Variants in PARVA observed in about 807,000 individuals in gnomAD.
PARVA encodes alpha-parvin.
In PARVA, 25 loss-of-function variants were observed where a neutral mutation model predicts 52.6. The ratio of observed to expected loss-of-function variants is 0.48; its 90% CI spans 0.35 to 0.66. The LOEUF (loss-of-function observed/expected upper bound fraction) is 0.66. Ranked by LOEUF, PARVA falls within the 30% of genes least tolerant of loss-of-function variation. The pLI, the probability that PARVA is intolerant of heterozygous loss-of-function variation, is 0.01. For synonymous variants in PARVA, 185 were observed against 179.1 expected, an observed-to-expected ratio of 1.03 and a Z score of -0.26; for missense variants, 373 against 450.9, an observed-to-expected ratio of 0.83 and a Z score of 1.56.
intron 10 of PARVA, 94 bp downstream of exon 10, chr11:12,514,159 C>A: frequency 1.1e-6 from 1 of 911,532 alleles, no homozygotes; most frequent in South Asian, 1.4e-5. Context: ...AGGGCTTTCC[C>A]AGCTGAGGGG....
chr11:12,418,260 CTGGGTGGG>C (rs1401123215), intron 1 of PARVA, among the ~76,000 whole-genome samples: 1 of 152,190 alleles, frequency 6.6e-6, no homozygotes, highest in African/African-American at 2.4e-5. Context: ...CTCCCAGTCC[CTGGGTGGG>C]TGATGTGAGT....
At position 12,520,983 on chromosome 11, in the gene PARVA, G is replaced by A. The variant is rs138029883; in HGVS notation, c.1042+2466G>A. Reference sequence around the variant, plus strand: ...AAAAAGAAATATTGTCATGCAGCTGGCAGCTTTTTATTTAGGGCATCGTGC... The same window carrying A: ...AAAAAGAAATATTGTCATGCAGCTGACAGCTTTTTATTTAGGGCATCGTGC... On this transcript the variant is annotated intron_variant, in intron 12 of 12. Transcript: ENST00000334956. Among the ~76,000 whole-genome samples, 238 of 152,186 alleles carry A rather than the reference G, an allele frequency of 1.6e-3. 2 individuals carry two copies. Among genetic ancestry groups the A allele is most frequent in the African/African-American group, 5.5e-3 (230 of 41,528 alleles).
At chr11:12,389,377 C>T (rs1471287574) in intron 1 of PARVA, among the ~76,000 whole-genome samples, 1 of 152,156 alleles carries the variant, frequency 6.6e-6, no homozygotes, top group Non-Finnish European at 1.5e-5. Flanking sequence ...TCCCCTCTTC[C>T]CCTCTGAGCC....
chr11:12,484,808 C>CTTTTT, intron 4 of PARVA, among the ~76,000 whole-genome samples: 1 of 102,634 alleles, frequency 9.7e-6, no homozygotes, highest in Non-Finnish European at 2.0e-5. Context: ...TTTTTGTTGA[C>CTTTTT]TTTTTTTTTT....
intron 12 of PARVA, among the ~76,000 whole-genome samples, chr11:12,527,155 T>C (rs1941713754): frequency 6.6e-6 from 1 of 152,236 alleles, no homozygotes; most frequent in African/African-American, 2.4e-5. Flanking sequence ...CACTAAACTT[T>C]CCACATGGAA....
At chr11:12,408,677 C>T (rs918650958) in intron 1 of PARVA, among the ~76,000 whole-genome samples, 1 of 152,152 alleles carries the variant, frequency 6.6e-6, no homozygotes, top group Non-Finnish European at 1.5e-5. Context: ...TTTCTTAAGA[C>T]CCTACTATTT....
intron 1 of PARVA, among the ~76,000 whole-genome samples, chr11:12,469,402 C>T (rs943304690): frequency 2.6e-5 from 4 of 152,142 alleles, no homozygotes; most frequent in African/African-American, 7.2e-5. Flanking sequence ...AATGGCGCTG[C>T]GAGACATTCG....
chr11:12,514,486 C>CTGTTT (rs1393067639), intron 10 of PARVA, among the ~76,000 whole-genome samples: 2 of 152,100 alleles, frequency 1.3e-5, no homozygotes, highest in South Asian at 2.1e-4. Flanking sequence ...TTTTTGTTTT[C>CTGTTT]TGTTTTGTTT....
chr11:12,499,166 G>T (rs1296778287), intron 5 of PARVA, among the ~76,000 whole-genome samples: 2 of 152,196 alleles, frequency 1.3e-5, no homozygotes, highest in Admixed American at 6.5e-5. Context: ...TACTAGGTCA[G>T]AGGGAATAAT....
At chr11:12,441,899 A>G (rs1261151423) in intron 1 of PARVA, among the ~76,000 whole-genome samples, 2 of 152,226 alleles carry the variant, frequency 1.3e-5, no homozygotes, top group Non-Finnish European at 2.9e-5. Flanking sequence ...GCTCCACAAA[A>G]TGTATAGTAA....
Position 12,513,317 on chromosome 11 carries a change from C to T in PARVA, c.755C>T (p.Thr252Ile). The T allele has an allele frequency of 1.2e-6, 2 of 1,613,854 alleles. No individual in the cohort carries two copies. The change falls in exon 9 of 13, where the codon ACC becomes ATC. Residue 252 changes from threonine (T) to isoleucine (I), a missense_variant. By Grantham distance (89) the Thr-to-Ile change is moderately conservative. Transcript: ENST00000334956. Reference sequence around the variant, plus strand: ...TTTTCAGAACGTGATGCCTTTGACACCTTGTTCGACCATGCCCCAGACAAG... The same window carrying T: ...TTTTCAGAACGTGATGCCTTTGACATCTTGTTCGACCATGCCCCAGACAAG... The part of the protein sequence containing the change: ...SGRHERDAFD[T>I]LFDHAPDKLN...
At chr11:12,481,088 G>T (rs2135044804) in intron 4 of PARVA, among the ~76,000 whole-genome samples, 1 of 152,072 alleles carries the variant, frequency 6.6e-6, no homozygotes, top group Non-Finnish European at 1.5e-5. Context: ...TTTTTTTTAA[G>T]TGGGGAGAGA....
In PARVA at chr11:12,531,609, G is replaced by A. The variant is rs541697436; in HGVS notation, c.*3684G>A. ...AACAGTTTTGCCGTGCCTAAGTGGAGGCTGATCAAAACTAATTTGAGATCC... is the reference window on the plus strand; with the variant it reads ...AACAGTTTTGCCGTGCCTAAGTGGAAGCTGATCAAAACTAATTTGAGATCC... On this transcript the variant is annotated 3_prime_UTR_variant, in exon 13 of 13. Coordinates refer to ENST00000334956, the MANE Select transcript of PARVA (RefSeq NM_018222.5). 1.3e-5 allele frequency among the ~76,000 whole-genome samples: 2 copies of A among 151,884 alleles called. No homozygotes were observed. The highest frequency in any genetic ancestry group is 3.9e-4 in the East Asian group (2 of 5,174).
At chr11:12,446,531 A>T (rs532821973) in intron 1 of PARVA, among the ~76,000 whole-genome samples, 1 of 152,214 alleles carries the variant, frequency 6.6e-6, no homozygotes, top group African/African-American at 2.4e-5. Flanking sequence ...TTACATGGAG[A>T]GTTTTACCTA....
chr11:12,492,519 A>T (rs981879111), intron 4 of PARVA, among the ~76,000 whole-genome samples: 2 of 152,164 alleles, frequency 1.3e-5, no homozygotes, highest in Non-Finnish European at 2.9e-5. Flanking sequence ...GTAAATTACT[A>T]TTAAGCTATA....
intron 1 of PARVA, among the ~76,000 whole-genome samples, chr11:12,395,006 G>A (rs144843353): frequency 0.089 from 13,480 of 151,382 alleles, 739 homozygotes; most frequent in African/African-American, 0.14. Flanking sequence ...CAGGAGAATC[G>A]CTTGAACCCG....
At chr11:12,392,488 C>T (rs1202773357) in intron 1 of PARVA, among the ~76,000 whole-genome samples, 7 of 152,216 alleles carry the variant, frequency 4.6e-5, no homozygotes, top group African/African-American at 1.7e-4. Flanking sequence ...AGGCTCGTCT[C>T]GAACTCTTGA....
chr11:12,401,748 G>T (rs1055776378), intron 1 of PARVA, among the ~76,000 whole-genome samples: 2 of 152,122 alleles, frequency 1.3e-5, no homozygotes, highest in Admixed American at 6.5e-5. Context: ...AACCATGATC[G>T]CAGGGCATGA....
At chr11:12,469,913 G>T (rs752026688) in intron 1 of PARVA, among the ~76,000 whole-genome samples, 1 of 152,138 alleles carries the variant, frequency 6.6e-6, no homozygotes, top group Non-Finnish European at 1.5e-5. Context: ...CCCACCTTTA[G>T]GAGTCCTGGC....
Sources: gnomAD v4.1 joint callset for allele counts (sites outside exome capture counted in the v4.1 genomes callset) on GRCh38, gnomAD v4.1.1 for gene constraint, MANE v1.5 for transcripts, NCBI Gene and HGNC (gene_info 2026-07-23, HGNC 2026-07-21) for gene names.